The following ABCG2 variants were observed in gnomAD, a reference collection of about 807,000 sequenced individuals.
The protein encoded by ABCG2 is ATP binding cassette subfamily G member 2 (JR blood group), also known as broad substrate specificity ATP-binding cassette transporter ABCG2.
ABCG2 carries 80 observed loss-of-function variants against 73.5 expected under a neutral mutation model. The ratio of observed to expected loss-of-function variants is 1.09; its 90% CI spans 0.91 to 1.31. The LOEUF is 1.31. ABCG2 is among the 50% of genes most tolerant of loss of function. The pLI is 0.00. For missense variants in ABCG2, 796 were observed against 786.2 expected (o/e 1.01, Z -0.15); for synonymous variants, 269 against 282.4 (o/e 0.95, Z 0.48).
chr4:88,144,449 C>CT (rs59434855), intron 1 of ABCG2, among the ~76,000 whole-genome samples: 36,058 of 78,084 alleles, frequency 0.46, 8,138 homozygotes, highest in East Asian at 0.62. Context: ...CACATTTTTA[C>CT]TTTTTTTTTT....
chr4:88,109,039 C>A, intron 9 of ABCG2, among the ~76,000 whole-genome samples: 1 of 147,414 alleles, frequency 6.8e-6, no homozygotes, highest in Non-Finnish European at 1.5e-5. Flanking sequence ...CGCACTGTTG[C>A]CCTGGCTGGA....
chr4:88,160,515 A>G (rs948852461), upstream of ABCG2, among the ~76,000 whole-genome samples: 5 of 152,158 alleles, frequency 3.3e-5, no homozygotes, highest in Admixed American at 2.6e-4. Context: ...TTAGTTGAAT[A>G]TAGCATTCTG....
intron 1 of ABCG2, among the ~76,000 whole-genome samples, chr4:88,217,022 C>T (rs190026115): frequency 6.6e-6 from 1 of 151,060 alleles, no homozygotes; most frequent in South Asian, 2.1e-4. Context: ...CAGAGCAAGA[C>T]TCCGTCTCAA....
intron 1 of ABCG2, among the ~76,000 whole-genome samples, chr4:88,215,238 TC>T (rs1729768563): frequency 6.6e-6 from 1 of 152,116 alleles, no homozygotes; most frequent in Non-Finnish European, 1.5e-5. Context: ...CTGAGTGTAC[TC>T]CCCCAGGATT....
intron 5 of ABCG2, among the ~76,000 whole-genome samples, chr4:88,130,043 TA>T (rs911800774): frequency 7.4e-4 from 113 of 151,966 alleles, no homozygotes; most frequent in South Asian, 3.1e-3. Context: ...GAAAGGCTAT[TA>T]AAAAAAACAG....
chr4:88,230,011 A>ATTATTATTATT (rs1730390745), intron 1 of ABCG2, among the ~76,000 whole-genome samples: 1 of 86,012 alleles, frequency 1.2e-5, no homozygotes, highest in Admixed American at 1.2e-4. Context: ...TTATTATTAG[A>ATTATTATTATT]GACAGAGTTT....
chr4:88,161,152 AACAAT>A (rs1473518596), upstream of ABCG2, among the ~76,000 whole-genome samples: 291 of 139,056 alleles, frequency 2.1e-3, 1 homozygote, highest in African/African-American at 6.9e-3. Flanking sequence ...TGTCTCTACA[AACAAT>A]TTTTTTTTTT....
intron 1 of ABCG2, among the ~76,000 whole-genome samples, chr4:88,145,638 T>C (rs1198591977): frequency 6.6e-6 from 1 of 152,096 alleles, no homozygotes; most frequent in East Asian, 1.9e-4. Context: ...ATGATGTTTA[T>C]AAAGGAACAC....
intron 5 of ABCG2, among the ~76,000 whole-genome samples, chr4:88,123,379 A>G (rs1487808264): frequency 6.6e-6 from 1 of 152,148 alleles, no homozygotes; most frequent in Non-Finnish European, 1.5e-5. Context: ...CTAAAGGTGC[A>G]TATTCTAACC....
rs1560674467 is a variant in ABCG2 at position 88,115,021 on chromosome 4, G to T, written c.879C>A (p.Phe293Leu). The change falls in exon 8 of 16, where the codon TTC (phenylalanine) becomes TTA (leucine). Residue 293 changes from phenylalanine to leucine, a missense_variant. Phe to Leu is a conservative substitution (Grantham distance 22). Transcript: ENST00000237612. ...HCEAYNNPAD[F>L]FLDIINGDST... is the part of the protein sequence containing the mutation. Reference sequence around the variant, plus strand: ...AATCTCCATTAATGATGTCCAAGAAGAAGTCTGCAGGGTTATTATAGGCCT... The same window carrying T: ...AATCTCCATTAATGATGTCCAAGAATAAGTCTGCAGGGTTATTATAGGCCT... 1 of 1,613,294 alleles carries T rather than the reference G, an allele frequency of 6.2e-7. No individual in the cohort carries two copies. Among genetic ancestry groups the T allele is most frequent in the South Asian group, 1.1e-5 (1 of 91,012 alleles).
At chr4:88,107,141 A>C (rs372657612) in intron 10 of ABCG2, 43 bp downstream of exon 10, 1 of 1,393,238 alleles carries the variant, frequency 7.2e-7, no homozygotes, top group Non-Finnish European at 1.0e-6. Context: ...AGCTTGAAGA[A>C]AGTAACAGCA....
At chr4:88,170,838 C>A (rs2110092868) in intron 1 of ABCG2, among the ~76,000 whole-genome samples, 1 of 152,270 alleles carries the variant, frequency 6.6e-6, no homozygotes, top group South Asian at 2.1e-4. Context: ...TCTTATCAAC[C>A]TAAATGCCCA....
At chr4:88,171,549 G>A in intron 1 of ABCG2, among the ~76,000 whole-genome samples, 1 of 33,270 alleles carries the variant, frequency 3.0e-5, no homozygotes, top group Non-Finnish European at 6.2e-5. Context: ...ATTGTCTCCT[G>A]TTCTTCCTCA....
rs1722825278 is a variant in ABCG2, at chr4:88,107,227, T to C, written c.1234A>G (p.Ile412Val). 6.2e-7 allele frequency: 1 copy of C among 1,613,482 alleles called. No homozygotes were observed. The change falls in exon 10 of 16, where the codon ATT becomes GTT. Residue 412 changes from isoleucine (I) to valine (V), a missense_variant. Transcript: ENST00000237612. ...TVVLGLVIGA[I>V]YFGLKNDSTG... ...GAATCATTTTTTAGCCCAAAGTAAA[T>C]GGCACCTATAACCAGTCCCAGTACG...
At position 88,092,251 on chromosome 4, in the gene ABCG2, G is replaced by A. The variant is rs1460350208; in HGVS notation, c.1951C>T (p.Leu651Phe). The change falls in exon 16 of 16, where the codon CTT becomes TTT. Residue 651 changes from leucine (L) to phenylalanine (F), a missense_variant. Coordinates refer to ENST00000237612, the MANE Select transcript of ABCG2 (RefSeq NM_004827.3). ...GGGGAAATTTAAGAATATTTTTTAAGAAATAACAATTTCAGGTAGGCAATT... is the reference window on the plus strand; with the variant it reads ...GGGGAAATTTAAGAATATTTTTTAAAAAATAACAATTTCAGGTAGGCAATT... Reference protein sequence around the residue: ...LTIAYLKLLFLKKYS With the variant: ...LTIAYLKLLFFKKYS 6.2e-7 allele frequency: 1 copy of A among 1,607,648 alleles called. No individual in the cohort carries two copies. Among genetic ancestry groups the A allele is most frequent in the Admixed American group, 1.7e-5 (1 of 59,292 alleles).
intron 1 of ABCG2, among the ~76,000 whole-genome samples, chr4:88,188,430 C>T (rs987015949): frequency 6.6e-6 from 1 of 151,656 alleles, no homozygotes; most frequent in African/African-American, 2.4e-5. Context: ...ACTGTGTTGC[C>T]CAAACTGGTT....
chr4:88,136,222 T>A (rs1277380762), intron 2 of ABCG2, among the ~76,000 whole-genome samples: 1 of 152,110 alleles, frequency 6.6e-6, no homozygotes, highest in African/African-American at 2.4e-5. Context: ...TTTTAAAAAG[T>A]TATGCATGTA....
intron 1 of ABCG2, among the ~76,000 whole-genome samples, chr4:88,230,300 T>G (rs1730404085): frequency 2.1e-4 from 1 of 4,858 alleles, no homozygotes; most frequent in Non-Finnish European, 4.3e-4. Flanking sequence ...GTTATATATA[T>G]ATATATATTT....
intron 1 of ABCG2, among the ~76,000 whole-genome samples, chr4:88,157,463 C>T (rs912051573): frequency 1.3e-5 from 2 of 152,102 alleles, no homozygotes; most frequent in Non-Finnish European, 2.9e-5. Flanking sequence ...GTAGCATGCC[C>T]ATGTTATTAG....
Sources: allele counts gnomAD v4.1 joint callset (sites outside exome capture counted in the v4.1 genomes callset), GRCh38; gene constraint gnomAD v4.1.1; transcripts MANE v1.5; gene names NCBI Gene and HGNC (gene_info 2026-07-23, HGNC 2026-07-21).